SHISA9: variants seen among roughly 807,000 people sequenced by gnomAD.
SHISA9 encodes shisa family member 9, also known as protein shisa-9.
A neutral mutation model predicts 38.0 loss-of-function variants in SHISA9; 13 were observed. The ratio of observed to expected loss-of-function variants is 0.34; its 90% CI spans 0.22 to 0.54. The LOEUF (loss-of-function observed/expected upper bound fraction) is 0.54. Among genes scored for constraint, SHISA9 ranks in the 20% least tolerant of loss-of-function variants. The pLI, the probability that SHISA9 is intolerant of heterozygous loss-of-function variation, is 0.91. For synonymous variants in SHISA9, 275 were observed against 242.0 expected, an observed-to-expected ratio of 1.14 and a Z score of -1.27; for missense variants, 538 against 575.8, an observed-to-expected ratio of 0.93 and a Z score of 0.67.
At chr16:13,423,378 CAAG>C in the SHISA9 span, among the ~76,000 whole-genome samples, 4 of 152,190 alleles carry the variant, frequency 2.6e-5, no homozygotes, top group South Asian at 2.1e-4. Context: ...AAGAGAAAAG[CAAG>C]AAGAAGAAAT....
chr16:13,510,545 C>A, the SHISA9 span, among the ~76,000 whole-genome samples: 8 of 152,176 alleles, frequency 5.3e-5, no homozygotes, highest in Non-Finnish European at 7.3e-5. Flanking sequence ...CATTTTCTTA[C>A]TGGTCCATCA....
At chr16:13,517,023 A>G in the SHISA9 span, among the ~76,000 whole-genome samples, 1 of 152,302 alleles carries the variant, frequency 6.6e-6, no homozygotes, top group Admixed American at 6.5e-5. Flanking sequence ...CCACATAGTC[A>G]TGTCTATCCA....
At chr16:13,436,586 A>T in the SHISA9 span, among the ~76,000 whole-genome samples, 1 of 152,172 alleles carries the variant, frequency 6.6e-6, no homozygotes, top group Non-Finnish European at 1.5e-5. Context: ...CCATTCTTTT[A>T]TTCCTTTACT....
chr16:13,019,968 TTTCCTTCCTTCC>T (rs750335000), intron 2 of SHISA9, among the ~76,000 whole-genome samples: 686 of 43,234 alleles, frequency 0.016, 38 homozygotes, highest in African/African-American at 0.056. Context: ...TCCCTCCTTC[TTTCCTTCCTTCC>T]TTCCTTCCTT....
At chr16:13,504,048 G>A in the SHISA9 span, among the ~76,000 whole-genome samples, 1 of 152,138 alleles carries the variant, frequency 6.6e-6, no homozygotes, top group African/African-American at 2.4e-5. Flanking sequence ...GAGCAAATTT[G>A]CAGAAGCAGC....
chr16:13,067,651 A>C (rs2073450398), intron 2 of SHISA9, among the ~76,000 whole-genome samples: 1 of 152,262 alleles, frequency 6.6e-6, no homozygotes, highest in African/African-American at 2.4e-5. Context: ...GTTTCAAAAA[A>C]GGAAAATTTC....
chr16:13,205,699 A>G (rs1036182109), intron 3 of SHISA9, among the ~76,000 whole-genome samples: 3 of 152,168 alleles, frequency 2.0e-5, no homozygotes, highest in African/African-American at 7.2e-5. Context: ...TAGTAGCCCC[A>G]TGGATGAATC....
At chr16:13,027,148 G>A (rs1339678202) in intron 2 of SHISA9, among the ~76,000 whole-genome samples, 1 of 152,168 alleles carries the variant, frequency 6.6e-6, no homozygotes, top group East Asian at 1.9e-4. Flanking sequence ...TTGTACTGTT[G>A]GTTGACAAAT....
chr16:13,347,796 T>G, the SHISA9 span, among the ~76,000 whole-genome samples: 1 of 151,310 alleles, frequency 6.6e-6, no homozygotes, highest in East Asian at 2.0e-4. Context: ...TGCCCAGAGC[T>G]CCTCAATTTT....
In SHISA9 at chr16:13,105,200, CA is replaced by C. The variant is rs2073914721; in HGVS notation, c.692-98193del. Among the ~76,000 whole-genome samples, 3 of 152,182 alleles carry C rather than the reference CA, an allele frequency of 2.0e-5. No individual in the cohort carries two copies. The South Asian group carries it at 6.2e-4, about 31-fold the overall frequency. On this transcript the variant is annotated intron_variant, in intron 2 of 4. Transcript: ENST00000558583. Reference sequence around the variant, plus strand: ...GTGAAGACATTCTTTATATTATTAACATTTTGAAATGTACCATAGGAGTATA... The same window carrying C: ...GTGAAGACATTCTTTATATTATTAACTTTTGAAATGTACCATAGGAGTATA...
chr16:13,001,441 C>T (rs891477918), intron 2 of SHISA9, among the ~76,000 whole-genome samples: 1 of 152,136 alleles, frequency 6.6e-6, no homozygotes, highest in African/African-American at 2.4e-5. Flanking sequence ...GGGATAGAAA[C>T]ATTTACCTAG....
chr16:13,339,431 C>T, the SHISA9 span, among the ~76,000 whole-genome samples: 10 of 152,268 alleles, frequency 6.6e-5, no homozygotes, highest in African/African-American at 2.2e-4. Flanking sequence ...TCTTCAGTTA[C>T]AATCTGCTGT....
chr16:13,477,731 G>A, the SHISA9 span, among the ~76,000 whole-genome samples: 5 of 152,180 alleles, frequency 3.3e-5, no homozygotes, highest in Admixed American at 2.0e-4. Flanking sequence ...TTGGGAGGCC[G>A]AGGCAGGTGG....
chr16:12,984,998 G>C (rs975048212), intron 2 of SHISA9, among the ~76,000 whole-genome samples: 2 of 152,080 alleles, frequency 1.3e-5, no homozygotes, highest in Non-Finnish European at 2.9e-5. Context: ...CCCTTGCTCA[G>C]TTTAGTTCCC....
intron 2 of SHISA9, among the ~76,000 whole-genome samples, chr16:12,993,414 G>C (rs768203561): frequency 1.3e-5 from 2 of 152,120 alleles, no homozygotes; most frequent in Admixed American, 6.5e-5. Context: ...GTTTTTCCTA[G>C]TGGCGTGACT....
chr16:13,478,142 C>G, the SHISA9 span, among the ~76,000 whole-genome samples: 2 of 152,120 alleles, frequency 1.3e-5, no homozygotes, highest in African/African-American at 4.8e-5. Flanking sequence ...GAAAAAGGAA[C>G]CTGCCGGGGA....
intron 2 of SHISA9, among the ~76,000 whole-genome samples, chr16:12,929,451 A>G (rs1596534746): frequency 6.6e-6 from 1 of 152,228 alleles, no homozygotes; most frequent in African/African-American, 2.4e-5. Context: ...ATGGAATACT[A>G]TGCAGCCATA....
At chr16:12,907,782 A>G (rs548108730) in intron 1 of SHISA9, among the ~76,000 whole-genome samples, 1 of 152,296 alleles carries the variant, frequency 6.6e-6, no homozygotes, top group African/African-American at 2.4e-5. Context: ...CTGATTTCTC[A>G]TGAGAACTCA....
At position 13,235,714 on chromosome 16, in the gene SHISA9, C is replaced by A. The variant is rs1312580366; in HGVS notation, c.*305C>A. 1 of 340,214 alleles carries A rather than the reference C, an allele frequency of 2.9e-6. No homozygotes were observed. The highest frequency in any genetic ancestry group is 5.3e-6 in the Non-Finnish European group (1 of 188,322). 21.1% of individuals were successfully genotyped at this position (340,214 alleles called of 1,614,324 possible). On this transcript the variant is annotated 3_prime_UTR_variant, in exon 5 of 5. Transcript: ENST00000558583. ...CAACTCACATGCCCAAACCGTGGGG[C>A]TGAGTTTTCTTTTCCTCCTAACTTG...
Sources: gnomAD v4.1 joint callset for allele counts (sites outside exome capture counted in the v4.1 genomes callset) on GRCh38, gnomAD v4.1.1 for gene constraint, MANE v1.5 for transcripts, NCBI Gene and HGNC (gene_info 2026-07-23, HGNC 2026-07-21) for gene names.